CSMD2: variants seen among roughly 807,000 people sequenced by gnomAD.
CSMD2 encodes the protein CUB and sushi domain-containing protein 2.
In CSMD2, 130 loss-of-function variants were observed where a neutral mutation model predicts 398.5. The ratio of observed to expected loss-of-function variants is 0.33; its 90% CI spans 0.28 to 0.38. CSMD2 has a LOEUF of 0.38. Among genes scored for constraint, CSMD2 ranks in the 10% least tolerant of loss-of-function variants. CSMD2 has a pLI of 1.00. For missense variants in CSMD2, 3,829 were observed against 4,764.9 expected, an observed-to-expected ratio of 0.80 and a Z score of 5.78; for synonymous variants, 1,828 against 1,908.5, an observed-to-expected ratio of 0.96 and a Z score of 1.10.
At chr1:33,532,991 G>T in intron 64 of CSMD2, 59 bp downstream of exon 64, 1 of 1,473,236 alleles carries the variant, frequency 6.8e-7, no homozygotes, top group Non-Finnish European at 9.1e-7. Context: ...TTCAGCTCAA[G>T]TTCAGCCAGC....
chr1:33,567,528 A>G (rs1242188967), intron 53 of CSMD2, 65 bp downstream of exon 53: 5 of 1,510,434 alleles, frequency 3.3e-6, no homozygotes, highest in Non-Finnish European at 4.6e-6. Flanking sequence ...TCTAATTAAG[A>G]GACAGGGAGA....
chr1:33,657,365 T>C (rs983959402), intron 27 of CSMD2, among the ~76,000 whole-genome samples: 3 of 152,246 alleles, frequency 2.0e-5, no homozygotes, highest in Non-Finnish European at 4.4e-5. Flanking sequence ...GCCCAGCTAC[T>C]TGGGAGGCTG....
chr1:34,128,142 C>T (rs898826737), intron 1 of CSMD2, among the ~76,000 whole-genome samples: 1 of 152,132 alleles, frequency 6.6e-6, no homozygotes, highest in Non-Finnish European at 1.5e-5. Context: ...CTTCCTCCCA[C>T]ATTCCCTCTG....
chr1:33,652,549 G>A lies in CSMD2; in HGVS notation c.4448-88C>T, dbSNP rs962208023. 6 of 1,466,018 alleles carry A rather than the reference G, an allele frequency of 4.1e-6. No homozygotes were observed. The African/African-American group carries it at 7.0e-5, about 17-fold the overall frequency. The allele number at this position is 1,466,018 out of a possible 1,614,324, so 90.8% of individuals were successfully genotyped here. A position where few individuals can be genotyped will look rare whatever the true frequency, so the allele number is the denominator to read the frequency against. On this transcript the variant is annotated intron_variant, in intron 27 of 70. Transcript: ENST00000373381. ...TTGCTAATGCACTATTGAGAGAGGA[G>A]AGGCTGAGGCTGACAGGCTGAAGTT...
chr1:33,601,119 CT>C (rs1640188594), intron 43 of CSMD2, 109 bp from the exon 44 acceptor site: 2 of 1,412,590 alleles, frequency 1.4e-6, no homozygotes, highest in East Asian at 4.6e-5. Flanking sequence ...GGCTATGATT[CT>C]TTTTGTACCA....
intron 27 of CSMD2, among the ~76,000 whole-genome samples, chr1:33,654,214 T>A (rs1211261901): frequency 6.6e-6 from 1 of 152,234 alleles, no homozygotes; most frequent in Non-Finnish European, 1.5e-5. Context: ...CGTATTAGAC[T>A]TAACAAATCA....
At chr1:33,639,072 G>T (rs1642966111) in intron 29 of CSMD2, among the ~76,000 whole-genome samples, 1 of 152,204 alleles carries the variant, frequency 6.6e-6, no homozygotes, top group South Asian at 2.1e-4. Flanking sequence ...TGAGGGAAAT[G>T]CTTATTGGCC....
chr1:33,515,962 T>C lies in CSMD2; in HGVS notation c.*662A>G, dbSNP rs1653729392. 1.3e-5 allele frequency: 2 copies of C among 152,256 alleles called. No homozygotes were observed. The highest frequency in any genetic ancestry group is 4.1e-4 in the South Asian group (2 of 4,830). The allele number at this position is 152,256 out of a possible 1,614,324, so 9.4% of individuals were successfully genotyped here. A position where few individuals can be genotyped will look rare whatever the true frequency, so the allele number is the denominator to read the frequency against. The stretch of plus-strand genomic sequence containing the variant: ...AATAAAGAAACTGATTTTCAATCTA[T>C]TTCCAAAGACTTTTTTCCTGCCCTT... On this transcript the variant is annotated 3_prime_UTR_variant, in exon 71 of 71. Transcript: ENST00000373381.
intron 1 of CSMD2, among the ~76,000 whole-genome samples, chr1:34,140,436 T>C (rs1639185403): frequency 6.6e-6 from 1 of 152,080 alleles, no homozygotes; most frequent in Non-Finnish European, 1.5e-5. Flanking sequence ...CTGGCAAATG[T>C]CTAGAGAACA....
chr1:33,633,762 T>G lies in CSMD2; in HGVS notation c.5087-227A>C, dbSNP rs1250101979. Among the ~76,000 whole-genome samples, 1 of 151,766 alleles carries G rather than the reference T, an allele frequency of 6.6e-6. No individual in the cohort carries two copies. The highest frequency in any genetic ancestry group is 1.9e-4 in the East Asian group (1 of 5,158). On this transcript the variant is annotated intron_variant, in intron 31 of 70. Coordinates refer to ENST00000373381, the MANE Select transcript of CSMD2 (RefSeq NM_001281956.2). This position sits in a 1 kb window ranked among gnomAD's most constrained non-coding sequence, Gnocchi z 5.0. ...AAGGCCGGGCTGGCCTTCACAAGGG[T>G]CAAGACAACATGGAGGGCTGCACCC...
Position 33,559,179 on chromosome 1 carries a change from C to T in CSMD2, c.8554+121G>A, listed in dbSNP as rs1658322174. 6 of 892,312 alleles carry T rather than the reference C, an allele frequency of 6.7e-6. No individual in the cohort carries two copies. The highest frequency in any genetic ancestry group is 9.9e-6 in the Non-Finnish European group (6 of 605,494). The allele number at this position is 892,312 out of a possible 1,614,324, so 55.3% of individuals were successfully genotyped here. A position where few individuals can be genotyped will look rare whatever the true frequency, so the allele number is the denominator to read the frequency against. On this transcript the variant is annotated intron_variant, in intron 54 of 70. Transcript: ENST00000373381. The surrounding 1 kb of genome is among the most constrained non-coding windows in gnomAD (Gnocchi z 4.0). ...CCTCATTTATGACCCTTCTCTGCTCCATCTTCCCTATCTGGATCAGAATGA... is the reference window on the plus strand; with the variant it reads ...CCTCATTTATGACCCTTCTCTGCTCTATCTTCCCTATCTGGATCAGAATGA...
At chr1:34,052,567 T>G (rs924115263) in intron 2 of CSMD2, among the ~76,000 whole-genome samples, 1 of 150,624 alleles carries the variant, frequency 6.6e-6, no homozygotes. Flanking sequence ...TCCTATAGGA[T>G]CTATTGAGTA....
chr1:34,094,626 A>G (rs945038684), intron 1 of CSMD2, among the ~76,000 whole-genome samples: 4 of 152,196 alleles, frequency 2.6e-5, no homozygotes, highest in Non-Finnish European at 5.9e-5. Context: ...CTGATAAAAC[A>G]GACTTTAAAC....
intron 13 of CSMD2, 76 bp from the exon 14 acceptor site, chr1:33,743,682 A>G: frequency 9.5e-7 from 1 of 1,057,510 alleles, no homozygotes; most frequent in Non-Finnish European, 1.4e-6. Context: ...GGCAGGGGGA[A>G]CATCTTCTTA....
At chr1:33,835,939 CT>C (rs1363635372) in intron 6 of CSMD2, among the ~76,000 whole-genome samples, 13 of 152,246 alleles carry the variant, frequency 8.5e-5, no homozygotes, top group Admixed American at 7.8e-4. Flanking sequence ...GAGAGGAGCT[CT>C]GATTTTTAGA....
At chr1:34,108,215 A>G (rs1019175678) in intron 1 of CSMD2, among the ~76,000 whole-genome samples, 29 of 152,184 alleles carry the variant, frequency 1.9e-4, no homozygotes, top group African/African-American at 6.3e-4. Flanking sequence ...CTTATGTGAG[A>G]CATATTTGAA....
rs199504018 is a variant in CSMD2, at chr1:33,586,574, C to T, written c.6981G>A (p.Val2327=). The T allele has an allele frequency of 1.2e-6, 2 of 1,613,750 alleles. No homozygotes were observed. The highest frequency in any genetic ancestry group is 2.7e-5 in the African/African-American group (2 of 75,016). ...GTTTGCAGGTCAGAATTTCATTCCCCACTAAGGTAAAGCCAGGGAGGCATC... is the reference window on the plus strand; with the variant it reads ...GTTTGCAGGTCAGAATTTCATTCCCTACTAAGGTAAAGCCAGGGAGGCATC... ...RYRCLPGFTL[V]GNEILTCKLG... is the part of the protein sequence containing the mutation. The change falls in exon 46 of 71, where the codon GTG becomes GTA. Residue 2327 remains valine (V), a synonymous_variant. Transcript: ENST00000373381.
chr1:34,007,306 A>G (rs145406694), intron 3 of CSMD2, among the ~76,000 whole-genome samples: 41 of 152,314 alleles, frequency 2.7e-4, no homozygotes, highest in African/African-American at 8.7e-4. Context: ...GATGGGAAGC[A>G]GGCCAGACCC....
At chr1:33,881,998 A>C (rs1052736004) in intron 5 of CSMD2, among the ~76,000 whole-genome samples, 3 of 152,198 alleles carry the variant, frequency 2.0e-5, no homozygotes, top group Non-Finnish European at 1.5e-5. Context: ...ATAATAAATA[A>C]TGCTGCAGTG....
Sources: allele counts gnomAD v4.1 joint callset (sites outside exome capture counted in the v4.1 genomes callset), GRCh38; gene constraint gnomAD v4.1.1; non-coding constraint Gnocchi (gnomAD v3.1); transcripts MANE v1.5; gene names NCBI Gene and HGNC (gene_info 2026-07-23, HGNC 2026-07-21).